DHX57: variants seen among roughly 807,000 people sequenced by gnomAD.
DHX57 encodes putative ATP-dependent RNA helicase DHX57.
In DHX57, 105 loss-of-function variants were observed where a neutral mutation model predicts 156.2. The observed-to-expected ratio is 0.67, with a 90% CI of 0.57 to 0.79. DHX57 has a LOEUF of 0.79. DHX57 is among the 30% of genes least tolerant of loss of function. The pLI is 0.00. For missense variants in DHX57, 1,847 were observed against 1,661.9 expected, an observed-to-expected ratio of 1.11 and a Z score of -1.94; for synonymous variants, 704 against 595.6, an observed-to-expected ratio of 1.18 and a Z score of -2.65.
In DHX57 at chr2:38,861,536, C is replaced by T. The variant is rs1484481718; in HGVS notation, c.874G>A (p.Glu292Lys). 6.2e-7 allele frequency: 1 copy of T among 1,614,108 alleles called. No homozygotes were observed. The highest frequency in any genetic ancestry group is 8.5e-7 in the Non-Finnish European group (1 of 1,180,006). ...TSRFRKSKPKESTKNVQENSL... is the reference protein window; with the variant it reads ...TSRFRKSKPKKSTKNVQENSL... ...TTCTCTTGTACATTTTTGGTACTTT[C>T]TTTTGGCTTGGATTTGCGGAATCTA... Residue 292 changes from glutamate (E) to lysine (K), a missense_variant, in exon 5 of 24, where the codon GAA becomes AAA. Glu to Lys is a moderately conservative substitution (Grantham distance 56). Transcript: ENST00000457308.
chr2:38,805,550 G>A (rs1230065438), intron 22 of DHX57, among the ~76,000 whole-genome samples: 1 of 152,126 alleles, frequency 6.6e-6, no homozygotes, highest in Non-Finnish European at 1.5e-5. Context: ...TTGAGCTAAG[G>A]AAGTGGCAGT....
intron 1 of DHX57, among the ~76,000 whole-genome samples, chr2:38,872,469 T>C (rs986303167): frequency 6.6e-6 from 1 of 152,152 alleles, no homozygotes; most frequent in Non-Finnish European, 1.5e-5. Context: ...AGGATCCAAA[T>C]ATATTCTGTC....
Position 38,797,735 on chromosome 2 carries a change from T to A in DHX57, c.*564A>T, listed in dbSNP as rs1669455820. On this transcript the variant is annotated 3_prime_UTR_variant, in exon 24 of 24. Coordinates refer to ENST00000457308, the MANE Select transcript of DHX57 (RefSeq NM_198963.3). ...CAAAAGAGAACTCATTCAATTTTTTTAAGTTGACTTTTAATGAGTAAAAAT... is the reference window on the plus strand; with the variant it reads ...CAAAAGAGAACTCATTCAATTTTTTAAAGTTGACTTTTAATGAGTAAAAAT... 2 of 152,354 alleles carry A rather than the reference T, an allele frequency of 1.3e-5. No homozygotes were observed. Among genetic ancestry groups the A allele is most frequent in the Non-Finnish European group, 1.5e-5 (1 of 68,074 alleles). 9.4% of individuals were successfully genotyped at this position (152,354 alleles called of 1,614,324 possible). A position where few individuals can be genotyped will look rare whatever the true frequency, so the allele number is the denominator to read the frequency against.
intron 7 of DHX57, among the ~76,000 whole-genome samples, chr2:38,855,946 A>C (rs1407057653): frequency 6.6e-6 from 1 of 152,134 alleles, no homozygotes; most frequent in East Asian, 1.9e-4. Context: ...AAAAACACAC[A>C]AAAATTAGTT....
intron 21 of DHX57, 47 bp from the exon 22 acceptor site, chr2:38,806,740 T>C (rs1669958103): frequency 4.5e-6 from 7 of 1,547,928 alleles, no homozygotes; most frequent in Non-Finnish European, 6.1e-6. Flanking sequence ...ATATATATTC[T>C]CATAGAAAGT....
chr2:38,828,081 C>G (rs998024836), intron 14 of DHX57, among the ~76,000 whole-genome samples: 71 of 152,174 alleles, frequency 4.7e-4, no homozygotes, highest in Non-Finnish European at 6.9e-4. Context: ...GTCTCCAACT[C>G]CTGACCTCAG....
chr2:38,845,944 C>T (rs555380940), intron 11 of DHX57, among the ~76,000 whole-genome samples: 1 of 151,130 alleles, frequency 6.6e-6, no homozygotes, highest in Admixed American at 6.6e-5. Context: ...CAGCTCACTG[C>T]AACCTCTGCC....
At chr2:38,834,346 A>G (rs191209219) in intron 13 of DHX57, among the ~76,000 whole-genome samples, 1,943 of 151,806 alleles carry the variant, frequency 0.013, 19 homozygotes, top group Middle Eastern at 0.041. Flanking sequence ...AAAAAAAAAA[A>G]AAAAAGTGGT....
chr2:38,867,012 G>T (rs1665110522), intron 2 of DHX57: 1 of 152,174 alleles, frequency 6.6e-6, no homozygotes, highest in Non-Finnish European at 1.5e-5. Flanking sequence ...TCCATTCACG[G>T]TAAGTGCCCT....
intron 13 of DHX57, among the ~76,000 whole-genome samples, chr2:38,836,367 G>T (rs1671656167): frequency 1.3e-5 from 2 of 151,954 alleles, no homozygotes; most frequent in Admixed American, 1.3e-4. Flanking sequence ...AGGCAACAAA[G>T]ATGAAGACCT....
intron 21 of DHX57, among the ~76,000 whole-genome samples, chr2:38,807,150 G>T (rs1375842240): frequency 1.3e-5 from 2 of 151,890 alleles, no homozygotes; most frequent in African/African-American, 4.8e-5. Context: ...CGCCTCCCAG[G>T]TTCATGCAAT....
At chr2:38,819,021 A>C in intron 18 of DHX57, 28 bp downstream of exon 18, 1 of 1,614,154 alleles carries the variant, frequency 6.2e-7, no homozygotes, top group East Asian at 2.2e-5. Context: ...ACTGGTAATA[A>C]AACTAAGCTA....
rs552493456 is a variant in DHX57 at position 38,801,502 on chromosome 2, T to A, written c.4017+1213A>T. On this transcript the variant is annotated intron_variant, in intron 23 of 23. Transcript: ENST00000457308. ...TCGGCTCACTGCAACCTCTGCCTCC[T>A]GGGTTCAAGTGATTCTCCTGTCTCA... 2.1e-3 allele frequency among the ~76,000 whole-genome samples: 322 copies of A among 152,304 alleles called. 4 individuals carry two copies. The highest frequency in any genetic ancestry group is 2.0e-3 in the Non-Finnish European group (139 of 68,016).
intron 5 of DHX57, 31 bp downstream of exon 5, chr2:38,860,968 C>T (rs768656550): frequency 3.8e-6 from 6 of 1,573,602 alleles, no homozygotes; most frequent in Admixed American, 1.7e-5. Context: ...ATTCTGAATG[C>T]CTCCCTCCAC....
chr2:38,823,078 C>T lies in DHX57; in HGVS notation c.3206G>A (p.Gly1069Asp), dbSNP rs1482116826. 1.2e-6 allele frequency: 2 copies of T among 1,614,118 alleles called. No individual in the cohort carries two copies. Among genetic ancestry groups the T allele is most frequent in the Admixed American group, 1.7e-5 (1 of 60,012 alleles). The change falls in exon 17 of 24, where the codon GGC becomes GAC. Residue 1069 changes from glycine (G) to aspartate (D), a missense_variant. Coordinates refer to ENST00000457308, the MANE Select transcript of DHX57 (RefSeq NM_198963.3). ...LASLPVDVRI[G>D]KLMLFGSIFR... ...GATAGACCCAAACAACATTAGTTTG[C>T]CAATTCTCACATCCACGGGCAGAGA...
chr2:38,841,323 C>T (rs1671982414), intron 12 of DHX57, among the ~76,000 whole-genome samples: 1 of 152,144 alleles, frequency 6.6e-6, no homozygotes, highest in South Asian at 2.1e-4. Context: ...GATAAGGAAA[C>T]TGAGGCACAG....
At chr2:38,837,130 T>G (rs541245579) in intron 13 of DHX57, among the ~76,000 whole-genome samples, 1 of 152,196 alleles carries the variant, frequency 6.6e-6, no homozygotes, top group Non-Finnish European at 1.5e-5. Flanking sequence ...ATTACAAGTG[T>G]GAGCCATTGC....
intron 14 of DHX57, among the ~76,000 whole-genome samples, chr2:38,827,688 A>T (rs1199997971): frequency 6.6e-6 from 1 of 151,532 alleles, no homozygotes; most frequent in Non-Finnish European, 1.5e-5. Context: ...AAAAATGAAG[A>T]CACACCCAGT....
intron 19 of DHX57, among the ~76,000 whole-genome samples, chr2:38,818,526 A>G (rs910029455): frequency 6.6e-6 from 1 of 152,042 alleles, no homozygotes; most frequent in Non-Finnish European, 1.5e-5. Flanking sequence ...AGACTCTGTC[A>G]CAAACAAACA....
Sources: allele counts gnomAD v4.1 joint callset (sites outside exome capture counted in the v4.1 genomes callset), GRCh38; gene constraint gnomAD v4.1.1; transcripts MANE v1.5; gene names NCBI Gene and HGNC (gene_info 2026-07-23, HGNC 2026-07-21).